Variants in CSNK1A1 observed in about 807,000 individuals in gnomAD.
CSNK1A1 encodes the protein casein kinase 1 alpha 1, also known as casein kinase I isoform alpha.
A neutral mutation model predicts 46.1 loss-of-function variants in CSNK1A1; 7 were observed. The ratio of observed to expected loss-of-function variants is 0.15; its 90% CI spans 0.09 to 0.29. The LOEUF is 0.29. Ranked by LOEUF, CSNK1A1 falls within the 10% of genes least tolerant of loss-of-function variation. The pLI, the probability that CSNK1A1 is intolerant of heterozygous loss-of-function variation, is 1.00. For missense variants in CSNK1A1, 96 were observed against 417.1 expected, an observed-to-expected ratio of 0.23 and a Z score of 6.71; for synonymous variants, 137 against 141.5, an observed-to-expected ratio of 0.97 and a Z score of 0.23.
rs1004483180 is a variant in CSNK1A1, at chr5:149,493,995, T to A, written c.*2858A>T. 1 of 152,226 alleles carries A rather than the reference T, an allele frequency of 6.6e-6. No homozygotes were observed. 9.4% of individuals were successfully genotyped at this position (152,226 alleles called of 1,614,324 possible). A position where few individuals can be genotyped will look rare whatever the true frequency, so the allele number is the denominator to read the frequency against. On this transcript the variant is annotated 3_prime_UTR_variant, in exon 10 of 10. Transcript: ENST00000377843. ...TGAATTTAACTGAGCTAAAAATGTCTAGGCCATCCCTTCTTAGAATTCCCA... is the reference window on the plus strand; with the variant it reads ...TGAATTTAACTGAGCTAAAAATGTCAAGGCCATCCCTTCTTAGAATTCCCA...
intron 2 of CSNK1A1, among the ~76,000 whole-genome samples, chr5:149,540,922 CA>C (rs1029871798): frequency 6.6e-6 from 1 of 150,904 alleles, no homozygotes; most frequent in South Asian, 2.1e-4. Context: ...TACAAAAATA[CA>C]AAAAAAATTA....
intron 2 of CSNK1A1, among the ~76,000 whole-genome samples, chr5:149,532,447 C>T (rs1306411855): frequency 6.6e-6 from 1 of 151,656 alleles, no homozygotes. Context: ...AATTCTAGCA[C>T]TTTGGGAGGT....
chr5:149,516,223 G>A (rs1761396716), intron 4 of CSNK1A1, among the ~76,000 whole-genome samples: 2 of 152,072 alleles, frequency 1.3e-5, no homozygotes, highest in African/African-American at 4.8e-5. Flanking sequence ...GGGAGGCTGA[G>A]ACAGAATTGC....
intron 4 of CSNK1A1, among the ~76,000 whole-genome samples, chr5:149,514,187 A>G (rs1761327588): frequency 6.6e-6 from 1 of 152,220 alleles, no homozygotes; most frequent in African/African-American, 2.4e-5. Context: ...AGCTAACTAA[A>G]AACAAAAACT....
intron 2 of CSNK1A1, among the ~76,000 whole-genome samples, chr5:149,529,921 CT>C (rs1323571640): frequency 6.6e-6 from 1 of 151,764 alleles, no homozygotes; most frequent in Admixed American, 6.6e-5. Context: ...TGAAAAATGT[CT>C]TCATGAAAAT....
chr5:149,542,623 TA>T lies in CSNK1A1; in HGVS notation c.230+7451del, dbSNP rs1561772301. On this transcript the variant is annotated intron_variant, in intron 2 of 9. Coordinates refer to ENST00000377843, the MANE Select transcript of CSNK1A1 (RefSeq NM_001892.6). ...ATATATATATATATATATATATATA[TA>T]TATATATATATATATGTATATATAT... Among the ~76,000 whole-genome samples the T allele has an allele frequency of 2.6e-3, 34 of 13,330 alleles. 3 individuals are homozygous for T. Among genetic ancestry groups the T allele is most frequent in the Admixed American group, 6.7e-3 (4 of 600 alleles). The allele number at this position is 13,330 out of a possible 152,430, so 8.7% of individuals were successfully genotyped here.
chr5:149,495,763 A>AT lies in CSNK1A1; in HGVS notation c.*1089_*1090insA. The AT allele has an allele frequency of 6.6e-6, 1 of 151,444 alleles. No homozygotes were observed. The highest frequency in any genetic ancestry group is 1.9e-4 in the East Asian group (1 of 5,176). 9.4% of individuals were successfully genotyped at this position (151,444 alleles called of 1,614,324 possible). A position where few individuals can be genotyped will look rare whatever the true frequency, so the allele number is the denominator to read the frequency against. ...AAGTCATAAAAAAAAAAAAAAAAAA[A>AT]GAAAAAAATGAAAGAATGCCTTTCC... On this transcript the variant is annotated 3_prime_UTR_variant, in exon 10 of 10. Coordinates refer to ENST00000377843, the MANE Select transcript of CSNK1A1 (RefSeq NM_001892.6).
chr5:149,529,618 C>A, intron 2 of CSNK1A1: 1 of 448,256 alleles, frequency 2.2e-6, no homozygotes, highest in Non-Finnish European at 4.5e-6. Flanking sequence ...CAGGGGCAAA[C>A]CATTTTGGGG....
intron 2 of CSNK1A1, among the ~76,000 whole-genome samples, chr5:149,528,660 C>T (rs1042414481): frequency 2.0e-5 from 3 of 152,176 alleles, no homozygotes; most frequent in African/African-American, 7.2e-5. Flanking sequence ...AGAAATCTTC[C>T]TAATGTCACC....
chr5:149,542,642 A>ATG (rs1561772548), intron 2 of CSNK1A1, among the ~76,000 whole-genome samples: 9 of 3,748 alleles, frequency 2.4e-3, no homozygotes, highest in African/African-American at 6.4e-3. Flanking sequence ...ATATATATGT[A>ATG]TATATATATA....
rs1762607335 is a variant in CSNK1A1 at position 149,550,048 on chromosome 5, G to A, written c.230+27C>T. 1 of 1,606,238 alleles carries A rather than the reference G, an allele frequency of 6.2e-7. No homozygotes were observed. Among genetic ancestry groups the A allele is most frequent in the East Asian group, 2.2e-5 (1 of 44,580 alleles). On this transcript the variant is annotated intron_variant, in intron 2 of 9. Transcript: ENST00000377843. The surrounding 1 kb of genome is among the most constrained non-coding windows in gnomAD (Gnocchi z 4.3). Reference sequence around the variant, plus strand: ...TCCCCATTCCGTGCTTCCCTCAGCGGATCGCCTATATGCACCGGGTTCTTA... The same window carrying A: ...TCCCCATTCCGTGCTTCCCTCAGCGAATCGCCTATATGCACCGGGTTCTTA...
intron 9 of CSNK1A1, chr5:149,498,124 G>A (rs557056987): frequency 1.0e-6 from 1 of 985,366 alleles, no homozygotes; most frequent in South Asian, 4.7e-5. Flanking sequence ...GAGCCACCGT[G>A]CCCAGCTTCT....
intron 5 of CSNK1A1, 124 bp downstream of exon 5, chr5:149,512,946 T>C: frequency 8.9e-7 from 1 of 1,125,270 alleles, no homozygotes; most frequent in Middle Eastern, 3.1e-4. Context: ...AAATGATTAA[T>C]AAGCATCCTT....
At chr5:149,501,737 C>G in intron 9 of CSNK1A1, 1 of 985,410 alleles carries the variant, frequency 1.0e-6, no homozygotes, top group Non-Finnish European at 1.2e-6. Flanking sequence ...CCACCTCTGC[C>G]TGCCCTCAAT....
At chr5:149,503,896 T>A in intron 9 of CSNK1A1, 3 of 985,438 alleles carry the variant, frequency 3.0e-6, no homozygotes, top group Non-Finnish European at 3.6e-6. Flanking sequence ...GATCCTATTA[T>A]CCCAGCTAGC....
At chr5:149,538,014 GTTTTTT>G (rs890909710) in intron 2 of CSNK1A1, among the ~76,000 whole-genome samples, 2 of 85,728 alleles carry the variant, frequency 2.3e-5, no homozygotes, top group African/African-American at 1.0e-4. Flanking sequence ...AGTGTGCCCA[GTTTTTT>G]TTTTTTTTTT....
At chr5:149,498,688 C>A in intron 9 of CSNK1A1, 2 of 985,334 alleles carry the variant, frequency 2.0e-6, no homozygotes, top group Non-Finnish European at 2.4e-6. Flanking sequence ...AACGTATTTT[C>A]ACAACTACTA....
chr5:149,526,884 G>A (rs570564114), intron 2 of CSNK1A1, among the ~76,000 whole-genome samples: 4 of 152,292 alleles, frequency 2.6e-5, no homozygotes, highest in African/African-American at 9.6e-5. Context: ...TTGAGAGTAA[G>A]AGATCCTAAG....
intron 9 of CSNK1A1, chr5:149,498,065 C>T: frequency 3.2e-6 from 3 of 934,226 alleles, no homozygotes; most frequent in Non-Finnish European, 3.8e-6. Context: ...AACTCCTGAC[C>T]TCGTGATCCA....
Sources: allele counts gnomAD v4.1 joint callset (sites outside exome capture counted in the v4.1 genomes callset), GRCh38; gene constraint gnomAD v4.1.1; non-coding constraint Gnocchi (gnomAD v3.1); transcripts MANE v1.5; gene names NCBI Gene and HGNC (gene_info 2026-07-23, HGNC 2026-07-21).